Variants in BEGAIN observed in about 807,000 individuals in gnomAD.
The protein encoded by BEGAIN is brain enriched guanylate kinase associated.
A neutral mutation model predicts 35.8 loss-of-function variants in BEGAIN; 19 were observed. The ratio of observed to expected loss-of-function variants is 0.53; its 90% CI spans 0.37 to 0.78. The LOEUF (loss-of-function observed/expected upper bound fraction) is 0.78. Among genes scored for constraint, BEGAIN ranks in the 30% least tolerant of loss-of-function variants. The pLI, the probability that BEGAIN is intolerant of heterozygous loss-of-function variation, is 0.00. For missense variants in BEGAIN, 795 were observed against 853.6 expected, an observed-to-expected ratio of 0.93 and a Z score of 0.85; for synonymous variants, 462 against 388.6, an observed-to-expected ratio of 1.19 and a Z score of -2.22.
At chr14:100,579,007 C>A (rs925427458) in intron 1 of BEGAIN, among the ~76,000 whole-genome samples, 1 of 152,220 alleles carries the variant, frequency 6.6e-6, no homozygotes, top group South Asian at 2.1e-4. Context: ...ACTACAGGCG[C>A]CTGCTACCAT....
chr14:100,582,875 C>T (rs1375947021), intron 1 of BEGAIN, among the ~76,000 whole-genome samples: 1 of 151,842 alleles, frequency 6.6e-6, no homozygotes, highest in Non-Finnish European at 1.5e-5. Flanking sequence ...TGATCAGCCC[C>T]CTCCTGACCC....
intron 2 of BEGAIN, among the ~76,000 whole-genome samples, chr14:100,557,120 C>T (rs935023460): frequency 2.4e-5 from 3 of 127,012 alleles, no homozygotes; most frequent in Non-Finnish European, 3.4e-5. Context: ...AGTCCCAGCG[C>T]GGGCCCTGCC....
intron 3 of BEGAIN, chr14:100,545,380 T>A: frequency 8.4e-7 from 1 of 1,187,440 alleles, no homozygotes. Flanking sequence ...GCGGAGCCAG[T>A]TTACTCACAT....
intron 6 of BEGAIN, 104 bp downstream of exon 6, chr14:100,540,392 G>C: frequency 2.3e-6 from 2 of 885,474 alleles, no homozygotes; most frequent in Non-Finnish European, 3.5e-6. Flanking sequence ...GGCTCAGCTG[G>C]CATCTTCCTC....
rs2034743725 is a variant in BEGAIN at position 100,567,030 on chromosome 14, T to TC, written c.71+880dup. ...GGGAGGGATGCTCCTCTACCCGGCC[T>TC]CCTCCCCAGGATGCCAATTCTGGCC... On this transcript the variant is annotated intron_variant, in intron 2 of 6. Transcript: ENST00000554140. The surrounding 1 kb of genome is among the most constrained non-coding windows in gnomAD (Gnocchi z 5.1). Among the ~76,000 whole-genome samples the TC allele has an allele frequency of 6.6e-6, 1 of 152,006 alleles. No homozygotes were observed. The highest frequency in any genetic ancestry group is 1.5e-5 in the Non-Finnish European group (1 of 67,970).
chr14:100,585,529 C>G (rs1383420775), intron 1 of BEGAIN, among the ~76,000 whole-genome samples: 1 of 150,434 alleles, frequency 6.6e-6, no homozygotes, highest in South Asian at 2.1e-4. Context: ...AAAGTGTTGC[C>G]GTGGAGATGA....
chr14:100,585,359 ATCCC>A (rs1170471063), intron 1 of BEGAIN, among the ~76,000 whole-genome samples: 68 of 29,540 alleles, frequency 2.3e-3, no homozygotes, highest in African/African-American at 8.4e-3. Flanking sequence ...CCATCCATCC[ATCCC>A]TCCCTCCCTC....
rs375193781 is a variant in BEGAIN, at chr14:100,572,000, AGGT to A, written c.43-4064_43-4062del. Among the ~76,000 whole-genome samples, 31 of 152,332 alleles carry A rather than the reference AGGT, an allele frequency of 2.0e-4. No individual in the cohort carries two copies. In the East Asian group the frequency reaches 4.8e-3, roughly 24 times the overall value. On this transcript the variant is annotated intron_variant, in intron 1 of 6. Transcript: ENST00000554140. ...CTGGCATGGAAGCCCTGCGGTGAGCAGGTGGTGTTGGCCTGAACGAATGCAGTG... is the reference window on the plus strand; with the variant it reads ...CTGGCATGGAAGCCCTGCGGTGAGCAGGTGTTGGCCTGAACGAATGCAGTG...
intron 2 of BEGAIN, among the ~76,000 whole-genome samples, chr14:100,556,981 G>A (rs2033787703): frequency 6.6e-6 from 1 of 152,210 alleles, no homozygotes; most frequent in Non-Finnish European, 1.5e-5. Context: ...CCAGGCCCTG[G>A]GTAGCTGCAT....
In BEGAIN at chr14:100,563,984, G is replaced by T. The variant is rs2034484844; in HGVS notation, c.71+3927C>A. Among the ~76,000 whole-genome samples, 1 of 152,150 alleles carries T rather than the reference G, an allele frequency of 6.6e-6. No individual in the cohort carries two copies. The highest frequency in any genetic ancestry group is 6.5e-5 in the Admixed American group (1 of 15,268). On this transcript the variant is annotated intron_variant, in intron 2 of 6. Coordinates refer to ENST00000554140, the MANE Select transcript of BEGAIN (RefSeq NM_001385089.1). The surrounding 1 kb of genome is among the most constrained non-coding windows in gnomAD (Gnocchi z 4.2). ...GCAACATACAACCATCTCTGCTGGG[G>T]ATGCCCTCTCAGGTGGCAGAACCAC...
At chr14:100,544,437 G>A (rs886834847) in intron 4 of BEGAIN, among the ~76,000 whole-genome samples, 5 of 152,200 alleles carry the variant, frequency 3.3e-5, no homozygotes, top group Admixed American at 6.5e-5. Context: ...AAACCAAAAT[G>A]AGCTGGTCAC....
chr14:100,563,656 C>T lies in BEGAIN; in HGVS notation c.71+4255G>A, dbSNP rs549568787. ...GAGAAGCGGTTTCAAGAGTCTGTTC[C>T]GATCTTCCAGAGCTGACCCTATGCG... On this transcript the variant is annotated intron_variant, in intron 2 of 6. Coordinates refer to ENST00000554140, the MANE Select transcript of BEGAIN (RefSeq NM_001385089.1). This position sits in a 1 kb window ranked among gnomAD's most constrained non-coding sequence, Gnocchi z 4.2. Among the ~76,000 whole-genome samples the T allele has an allele frequency of 2.6e-5, 4 of 152,336 alleles. No individual in the cohort carries two copies. In the East Asian group the frequency reaches 5.8e-4, roughly 22 times the overall value.
chr14:100,537,831 G>C lies in BEGAIN; in HGVS notation c.*138C>G. 1 of 1,301,750 alleles carries C rather than the reference G, an allele frequency of 7.7e-7. No individual in the cohort carries two copies. Among genetic ancestry groups the C allele is most frequent in the Non-Finnish European group, 1.0e-6 (1 of 984,620 alleles). The allele number at this position is 1,301,750 out of a possible 1,614,324, so 80.6% of individuals were successfully genotyped here. On this transcript the variant is annotated 3_prime_UTR_variant, in exon 7 of 7. Transcript: ENST00000554140. ...CAGGCCTACAGGGCTGGGGAGGAGAGGAGGTGCGGGGAGGAACAGACTCCT... is the reference window on the plus strand; with the variant it reads ...CAGGCCTACAGGGCTGGGGAGGAGACGAGGTGCGGGGAGGAACAGACTCCT...
intron 1 of BEGAIN, among the ~76,000 whole-genome samples, chr14:100,582,197 T>C (rs2035332500): frequency 1.3e-5 from 2 of 152,292 alleles, no homozygotes; most frequent in African/African-American, 4.8e-5. Context: ...CAGGCTAGAG[T>C]GCAGTGGCGC....
In BEGAIN at chr14:100,568,655, G is replaced by T; in HGVS notation, c.43-716C>A. On this transcript the variant is annotated intron_variant, in intron 1 of 6. Transcript: ENST00000554140. The surrounding 1 kb of genome is among the most constrained non-coding windows in gnomAD (Gnocchi z 7.5). ...CCTCCCTGCCCAGCCCCGCTCAGCC[G>T]GGCAGCCCCTCCGCGCGCCGGGCAG... 2 of 525,262 alleles carry T rather than the reference G, an allele frequency of 3.8e-6. No individual in the cohort carries two copies. Among genetic ancestry groups the T allele is most frequent in the Non-Finnish European group, 4.9e-6 (2 of 409,928 alleles). 32.5% of individuals were successfully genotyped at this position (525,262 alleles called of 1,614,324 possible).
chr14:100,578,828 A>G (rs1595152448), intron 1 of BEGAIN, among the ~76,000 whole-genome samples: 1 of 147,778 alleles, frequency 6.8e-6, no homozygotes, highest in Non-Finnish European at 1.5e-5. Flanking sequence ...TCATCATCAC[A>G]CCAGCCTTGC....
intron 2 of BEGAIN, chr14:100,549,397 T>C (rs1465686376): frequency 6.5e-6 from 1 of 152,764 alleles, no homozygotes; most frequent in Non-Finnish European, 1.5e-5. Context: ...CCACCACACC[T>C]TCACTGCCCT....
intron 1 of BEGAIN, among the ~76,000 whole-genome samples, chr14:100,575,322 A>G (rs2035178940): frequency 6.6e-6 from 1 of 152,186 alleles, no homozygotes; most frequent in African/African-American, 2.4e-5. Flanking sequence ...GCTCAAATCA[A>G]CAGACAAGCC....
intron 2 of BEGAIN, among the ~76,000 whole-genome samples, chr14:100,566,644 C>T (rs991420016): frequency 1.3e-5 from 2 of 152,168 alleles, no homozygotes; most frequent in Non-Finnish European, 2.9e-5. Flanking sequence ...CCAGGGCTGT[C>T]GCTCTTTGGG....
Sources: gnomAD v4.1 joint callset for allele counts (sites outside exome capture counted in the v4.1 genomes callset) on GRCh38, gnomAD v4.1.1 for gene constraint, Gnocchi (gnomAD v3.1) non-coding constraint, MANE v1.5 for transcripts, NCBI Gene and HGNC (gene_info 2026-07-23, HGNC 2026-07-21) for gene names.